The following SPOCK3 variants were observed in gnomAD, a reference collection of about 807,000 sequenced individuals.
SPOCK3 encodes testican-3.
Under a neutral mutation model 56.6 loss-of-function variants are expected in SPOCK3, and 30 were observed. The ratio of observed to expected loss-of-function variants is 0.53; its 90% CI spans 0.40 to 0.72. SPOCK3 has a LOEUF of 0.72. Ranked by LOEUF, SPOCK3 falls within the 30% of genes least tolerant of loss-of-function variation. SPOCK3 has a pLI of 0.00. For synonymous variants in SPOCK3, 196 were observed against 183.3 expected, an observed-to-expected ratio of 1.07 and a Z score of -0.56; for missense variants, 527 against 530.0, an observed-to-expected ratio of 0.99 and a Z score of 0.06.
chr4:166,778,339 A>T (rs769645747), intron 7 of SPOCK3, among the ~76,000 whole-genome samples: 1 of 152,210 alleles, frequency 6.6e-6, no homozygotes, highest in Non-Finnish European at 1.5e-5. Flanking sequence ...TCCTCAAGTA[A>T]ATCAATAGCA....
At chr4:167,111,444 C>T (rs1760892434) in intron 2 of SPOCK3, among the ~76,000 whole-genome samples, 1 of 151,914 alleles carries the variant, frequency 6.6e-6, no homozygotes, top group Non-Finnish European at 1.5e-5. Flanking sequence ...CCCCATCTGA[C>T]CTATTCACTC....
intron 4 of SPOCK3, among the ~76,000 whole-genome samples, chr4:166,981,681 C>T (rs559193330): frequency 9.9e-4 from 150 of 152,284 alleles, no homozygotes; most frequent in African/African-American, 3.4e-3. Context: ...GTCTGGCTCC[C>T]GGGCTTCAGG....
At chr4:166,991,338 T>G (rs1312441663) in intron 4 of SPOCK3, among the ~76,000 whole-genome samples, 1 of 133,524 alleles carries the variant, frequency 7.5e-6, no homozygotes, top group Non-Finnish European at 1.6e-5. Flanking sequence ...TGACTTTTTG[T>G]TTTTATATTT....
chr4:166,952,863 G>A (rs1209986159), intron 4 of SPOCK3, among the ~76,000 whole-genome samples: 1 of 151,768 alleles, frequency 6.6e-6, no homozygotes, highest in Admixed American at 6.6e-5. Context: ...AATGGTGCTG[G>A]GTAAACTGGC....
chr4:166,888,871 T>C (rs1267434791), intron 6 of SPOCK3, among the ~76,000 whole-genome samples: 1 of 152,020 alleles, frequency 6.6e-6, no homozygotes, highest in Non-Finnish European at 1.5e-5. Flanking sequence ...AATGCATTGG[T>C]TTAGATTTCT....
chr4:166,935,947 G>C (rs1360848933), intron 4 of SPOCK3, among the ~76,000 whole-genome samples: 1 of 152,172 alleles, frequency 6.6e-6, no homozygotes, highest in African/African-American at 2.4e-5. Context: ...GATTGAGCTA[G>C]AATTAATTGA....
intron 2 of SPOCK3, among the ~76,000 whole-genome samples, chr4:167,093,227 G>T (rs574771330): frequency 6.6e-6 from 1 of 151,960 alleles, no homozygotes; most frequent in South Asian, 2.1e-4. Context: ...TTGTTTGCTT[G>T]GGGAATTACT....
chr4:166,996,063 T>G (rs1216938803), intron 4 of SPOCK3, among the ~76,000 whole-genome samples: 1 of 152,184 alleles, frequency 6.6e-6, no homozygotes. Flanking sequence ...CAAGATTGCA[T>G]AGTTAAAATA....
intron 8 of SPOCK3, among the ~76,000 whole-genome samples, chr4:166,752,249 C>A (rs1196441394): frequency 6.6e-6 from 1 of 152,012 alleles, no homozygotes; most frequent in Non-Finnish European, 1.5e-5. Flanking sequence ...GCTCGGACTC[C>A]TGAGCTTAAG....
chr4:166,908,603 T>C (rs1185666625), intron 5 of SPOCK3, among the ~76,000 whole-genome samples: 1 of 151,902 alleles, frequency 6.6e-6, no homozygotes, highest in Non-Finnish European at 1.5e-5. Context: ...TTCATGATTG[T>C]TTAGTTCAAT....
At chr4:166,937,040 T>A (rs78566033) in intron 4 of SPOCK3, among the ~76,000 whole-genome samples, 8 of 152,238 alleles carry the variant, frequency 5.3e-5, no homozygotes, top group African/African-American at 1.9e-4. Flanking sequence ...TTTTAATTGA[T>A]TGATTTTAGC....
chr4:167,197,466 C>T (rs1285822997), intron 2 of SPOCK3, among the ~76,000 whole-genome samples: 1 of 151,954 alleles, frequency 6.6e-6, no homozygotes, highest in African/African-American at 2.4e-5. Context: ...GAAATTAGAA[C>T]AAAAGTGAAA....
chr4:166,827,133 T>G (rs1745563806), intron 6 of SPOCK3, among the ~76,000 whole-genome samples: 1 of 152,158 alleles, frequency 6.6e-6, no homozygotes, highest in Non-Finnish European at 1.5e-5. Flanking sequence ...TTGCTTTTAC[T>G]TTGCCAATAT....
chr4:167,099,742 G>A (rs1399066128), intron 2 of SPOCK3, among the ~76,000 whole-genome samples: 3 of 151,784 alleles, frequency 2.0e-5, no homozygotes, highest in Non-Finnish European at 4.4e-5. Flanking sequence ...AAGAACACTG[G>A]GTTGGCATTT....
At chr4:166,764,876 A>G (rs1039970133) in intron 7 of SPOCK3, among the ~76,000 whole-genome samples, 5 of 150,800 alleles carry the variant, frequency 3.3e-5, no homozygotes, top group Non-Finnish European at 7.4e-5. Flanking sequence ...TTTAATGATC[A>G]CCATTCTAAC....
intron 2 of SPOCK3, chr4:167,119,925 A>G: frequency 3.1e-6 from 4 of 1,275,386 alleles, no homozygotes; most frequent in Non-Finnish European, 4.2e-6. Context: ...AGAAAGAAAG[A>G]AAAGAATAAA....
chr4:166,787,513 A>T (rs1007910558), intron 7 of SPOCK3, among the ~76,000 whole-genome samples: 1 of 152,188 alleles, frequency 6.6e-6, no homozygotes, highest in Non-Finnish European at 1.5e-5. Flanking sequence ...TTCACTAAGC[A>T]TCAATAACAA....
At chr4:167,125,484 C>T (rs1177876905) in intron 2 of SPOCK3, among the ~76,000 whole-genome samples, 3 of 150,516 alleles carry the variant, frequency 2.0e-5, no homozygotes, top group Non-Finnish European at 4.4e-5. Context: ...GAGGCTGAAG[C>T]GGGCGGATCA....
At chr4:166,892,656 G>A (rs534281227) in intron 5 of SPOCK3, among the ~76,000 whole-genome samples, 176 of 152,046 alleles carry the variant, frequency 1.2e-3, no homozygotes, top group African/African-American at 4.0e-3. Flanking sequence ...ATGCTCATTA[G>A]TCTATAATTA....
Sources: gnomAD v4.1 joint callset for allele counts (sites outside exome capture counted in the v4.1 genomes callset) on GRCh38, gnomAD v4.1.1 for gene constraint, MANE v1.5 for transcripts, NCBI Gene and HGNC (gene_info 2026-07-23, HGNC 2026-07-21) for gene names.